The following DOCK9 variants were observed in gnomAD, a reference collection of about 807,000 sequenced individuals.
The protein encoded by DOCK9 is dedicator of cytokinesis protein 9.
DOCK9 carries 89 observed loss-of-function variants against 263.3 expected under a neutral mutation model. The ratio of observed to expected loss-of-function variants is 0.34; its 90% CI spans 0.28 to 0.40. The LOEUF (loss-of-function observed/expected upper bound fraction) is 0.40, where lower values mean the gene tolerates loss of function less well. DOCK9 is among the 10% of genes least tolerant of loss of function. The probability of loss-of-function intolerance (pLI) is 1.00; values close to 1 mark genes in which losing one functional copy is unlikely to be tolerated. For synonymous variants in DOCK9, 976 were observed against 973.1 expected, an observed-to-expected ratio of 1.00 and a Z score of -0.06; for missense variants, 2,140 against 2,603.4, an observed-to-expected ratio of 0.82 and a Z score of 3.87.
chr13:98,915,486 A>C lies in DOCK9; in HGVS notation c.735T>G (p.Arg245=). 9 of 1,612,566 alleles carry C rather than the reference A, an allele frequency of 5.6e-6. No individual in the cohort carries two copies. The highest frequency in any genetic ancestry group is 7.6e-6 in the Non-Finnish European group (9 of 1,179,494). Residue 245 remains arginine (R), a synonymous_variant, in exon 8 of 53, where the codon CGT becomes CGG. Coordinates refer to ENST00000682017, the MANE Select transcript of DOCK9 (RefSeq NM_001366683.2). ...CCTGCATCTTGAGCTCAAAAGCAAA[A>C]CGCCTGACTTTGTTGTTCTGAAATG... ...MGVVQNNKVR[R]FAFELKMQDK...
At chr13:98,915,646 GC>G (rs143301762) in intron 7 of DOCK9, 143 bp from the exon 8 acceptor site, 88 of 615,210 alleles carry the variant, frequency 1.4e-4, no homozygotes, top group Middle Eastern at 4.7e-4. Context: ...CCTCATGAAA[GC>G]CCCCCCCCAT....
intron 45 of DOCK9, among the ~76,000 whole-genome samples, chr13:98,823,105 G>T (rs540782398): frequency 6.7e-6 from 1 of 150,238 alleles, no homozygotes; most frequent in East Asian, 2.0e-4. Context: ...AATAGCATTT[G>T]TAAATAAAAA....
At position 98,848,725 on chromosome 13, in the gene DOCK9, C is replaced by A. The variant is rs577261977; in HGVS notation, c.4014-86G>T. ...ATTTATCTGTTAACAATAACAAATT[C>A]AATAAACATTATGTCTAGTACCAGC... On this transcript the variant is annotated intron_variant, in intron 36 of 52. Transcript: ENST00000682017. 2.3e-5 allele frequency: 30 copies of A among 1,329,246 alleles called. No individual in the cohort carries two copies. The East Asian group carries it at 7.5e-4, about 33-fold the overall frequency. The allele number at this position is 1,329,246 out of a possible 1,614,324, so 82.3% of individuals were successfully genotyped here. A position where few individuals can be genotyped will look rare whatever the true frequency, so the allele number is the denominator to read the frequency against.
intron 1 of DOCK9, among the ~76,000 whole-genome samples, chr13:98,988,555 A>G (rs1490317131): frequency 6.6e-6 from 1 of 152,148 alleles, no homozygotes; most frequent in Non-Finnish European, 1.5e-5. Flanking sequence ...TTTAGAGGTA[A>G]TTTTTACATT....
chr13:98,930,139 A>G (rs936678864), intron 3 of DOCK9, 29 bp downstream of exon 3: 4 of 1,583,970 alleles, frequency 2.5e-6, no homozygotes, highest in Non-Finnish European at 3.4e-6. Flanking sequence ...TGACTTCAAA[A>G]TGTAAATTAA....
chr13:98,972,133 C>T (rs532350692), intron 1 of DOCK9, among the ~76,000 whole-genome samples: 1 of 152,284 alleles, frequency 6.6e-6, no homozygotes, highest in South Asian at 2.1e-4. Flanking sequence ...TAACTTTGAG[C>T]AAGAGGAAAC....
At chr13:98,871,477 G>A (rs899159443) in intron 27 of DOCK9, among the ~76,000 whole-genome samples, 3 of 152,230 alleles carry the variant, frequency 2.0e-5, no homozygotes, top group Admixed American at 6.5e-5. Context: ...GCAAATAGCT[G>A]TTGTTAAGAG....
intron 37 of DOCK9, among the ~76,000 whole-genome samples, chr13:98,848,300 A>G (rs1440774218): frequency 6.6e-6 from 1 of 152,162 alleles, no homozygotes; most frequent in Non-Finnish European, 1.5e-5. Context: ...TGGGAAGGAG[A>G]CAGAACAGAG....
intron 1 of DOCK9, among the ~76,000 whole-genome samples, chr13:98,987,894 T>G (rs986094909): frequency 6.6e-6 from 1 of 152,194 alleles, no homozygotes; most frequent in Admixed American, 6.5e-5. Context: ...ACAAAAAATA[T>G]TGGAGAGTTG....
chr13:98,927,455 C>T lies in DOCK9; in HGVS notation c.334-1536G>A, dbSNP rs369137247. 1.9e-3 allele frequency among the ~76,000 whole-genome samples: 284 copies of T among 152,160 alleles called. 4 individuals are homozygous for T. Among genetic ancestry groups the T allele is most frequent in the African/African-American group, 6.4e-3 (266 of 41,508 alleles). On this transcript the variant is annotated intron_variant, in intron 3 of 52. Transcript: ENST00000682017. ...TCCTATTCTCTTCAAAGAGCTACAG[C>T]GGTTTTTCAACAAGCTCTAGAACTG...
At chr13:99,076,880 A>G (rs186479495) in intron 1 of DOCK9, among the ~76,000 whole-genome samples, 2 of 152,316 alleles carry the variant, frequency 1.3e-5, no homozygotes, top group East Asian at 1.9e-4. Context: ...ATAAATTGTG[A>G]TAAGTGGTCA....
chr13:98,807,560 A>G, intron 48 of DOCK9, 101 bp downstream of exon 48: 6 of 1,129,292 alleles, frequency 5.3e-6, no homozygotes, highest in Non-Finnish European at 7.0e-6. Flanking sequence ...ACAATCCTTA[A>G]TATTTTTCTT....
chr13:98,855,907 G>A lies in DOCK9; in HGVS notation c.3822C>T (p.Ser1274=), dbSNP rs201326392. The change falls in exon 34 of 53, where the codon TCC becomes TCT. Residue 1274 remains serine (S), a synonymous_variant. Transcript: ENST00000682017. ...GGTGAAAAGCAATTACCTTATCCAG[G>A]GAATTGCTCTTCTCACTATTCCTTT... The part of the protein sequence containing the change: ...LPERNSEKSN[S]LDKHQQSSTL... The A allele has an allele frequency of 3.1e-6, 5 of 1,613,828 alleles. No individual in the cohort carries two copies. The African/African-American group carries it at 5.3e-5, about 17-fold the overall frequency.
intron 38 of DOCK9, among the ~76,000 whole-genome samples, chr13:98,839,174 A>G (rs1430661407): frequency 6.6e-6 from 1 of 152,196 alleles, no homozygotes; most frequent in Non-Finnish European, 1.5e-5. Context: ...CATCACTTCC[A>G]CTCTGCAGCA....
rs774391312 is a variant in DOCK9, at chr13:98,809,296, TTTTTG to T, written c.5367+51_5367+55del. The stretch of plus-strand genomic sequence containing the variant: ...TATTATAGTTTTTTTTTTGTTTTTG[TTTTTG>T]TTTTTTTTTAAAGGACTTAGGACAG... On this transcript the variant is annotated intron_variant, in intron 47 of 52. Coordinates refer to ENST00000682017, the MANE Select transcript of DOCK9 (RefSeq NM_001366683.2). 2,125 of 1,459,716 alleles carry T rather than the reference TTTTTG, an allele frequency of 1.5e-3. 2 individuals carry two copies. Among genetic ancestry groups the T allele is most frequent in the Non-Finnish European group, 1.9e-3 (2,027 of 1,064,814 alleles). 90.4% of individuals were successfully genotyped at this position (1,459,716 alleles called of 1,614,324 possible).
At chr13:98,973,190 C>G (rs1197466478) in intron 1 of DOCK9, among the ~76,000 whole-genome samples, 2 of 152,100 alleles carry the variant, frequency 1.3e-5, no homozygotes, top group African/African-American at 4.8e-5. Flanking sequence ...GCAGGAAAAC[C>G]TATAGGGCAG....
intron 9 of DOCK9, among the ~76,000 whole-genome samples, chr13:98,907,218 T>A (rs1425614951): frequency 1.3e-5 from 2 of 152,184 alleles, no homozygotes; most frequent in Non-Finnish European, 2.9e-5. Context: ...AACAAAACCA[T>A]CAGTACTAGG....
chr13:98,845,839 A>T, intron 38 of DOCK9, 85 bp downstream of exon 38: 2 of 1,523,626 alleles, frequency 1.3e-6, no homozygotes, highest in Non-Finnish European at 1.8e-6. Context: ...TGAGTTGGTG[A>T]TGTGGTAGGT....
intron 2 of DOCK9, among the ~76,000 whole-genome samples, chr13:98,938,562 G>C (rs1228472958): frequency 1.3e-5 from 2 of 152,230 alleles, no homozygotes; most frequent in African/African-American, 4.8e-5. Context: ...TTGAATTACA[G>C]TTGCATTACC....
Sources: gnomAD v4.1 joint callset for allele counts (sites outside exome capture counted in the v4.1 genomes callset) on GRCh38, gnomAD v4.1.1 for gene constraint, MANE v1.5 for transcripts, NCBI Gene and HGNC (gene_info 2026-07-23, HGNC 2026-07-21) for gene names.